CFAP46: variants seen among roughly 807,000 people sequenced by gnomAD.
CFAP46 encodes the protein cilia- and flagella-associated protein 46.
Under a neutral mutation model 325.7 loss-of-function variants are expected in CFAP46, and 245 were observed. That is an observed-to-expected ratio of 0.75 (90% CI 0.68 to 0.84). The LOEUF is 0.84. Ranked by LOEUF, CFAP46 falls within the 40% of genes least tolerant of loss-of-function variation. The probability of loss-of-function intolerance (pLI) is 0.00; values close to 1 mark genes in which losing one functional copy is unlikely to be tolerated. For synonymous variants in CFAP46, 1,523 were observed against 1,495.9 expected, an observed-to-expected ratio of 1.02 and a Z score of -0.42; for missense variants, 3,346 against 3,543.0, an observed-to-expected ratio of 0.94 and a Z score of 1.41.
chr10:132,841,285 G>C (rs1275306622), intron 44 of CFAP46, among the ~76,000 whole-genome samples: 1 of 152,214 alleles, frequency 6.6e-6, no homozygotes, highest in Non-Finnish European at 1.5e-5. Flanking sequence ...TTGAAAACGG[G>C]AATAGGCAAA....
Position 132,899,585 on chromosome 10 carries a change from G to T in CFAP46, c.3006C>A (p.Gly1002=), listed in dbSNP as rs1413484923. ...QGRSIMENLK[G]RKQLRLVAAK... is the part of the protein sequence containing the mutation. ...CTGCCACCAGTCGCAGCTGCTTCCG[G>T]CCCTTCAGGTTTTCCATGATGCTCC... Residue 1002 remains glycine (G), a synonymous_variant, in exon 23 of 58, where the codon GGC becomes GGA. Coordinates refer to ENST00000368586, the MANE Select transcript of CFAP46 (RefSeq NM_001200049.3). 1 of 1,549,766 alleles carries T rather than the reference G, an allele frequency of 6.5e-7. No individual in the cohort carries two copies. Among genetic ancestry groups the T allele is most frequent in the African/African-American group, 1.4e-5 (1 of 73,044 alleles).
intron 13 of CFAP46, 115 bp from the exon 14 acceptor site, chr10:132,920,297 C>T: frequency 7.7e-7 from 1 of 1,294,776 alleles, no homozygotes; most frequent in Non-Finnish European, 1.0e-6. Context: ...CAGGTAGCGG[C>T]TCCAGGGGCC....
rs564077757 is a variant in CFAP46, at chr10:132,929,191, A to G, written c.966+514T>C. 1.2e-4 allele frequency: 44 copies of G among 354,618 alleles called. No homozygotes were observed. In the South Asian group the frequency reaches 3.0e-3, roughly 24 times the overall value. The allele number at this position is 354,618 out of a possible 1,614,324, so 22.0% of individuals were successfully genotyped here. On this transcript the variant is annotated intron_variant, in intron 9 of 57. Transcript: ENST00000368586. ...ATAAACTTCAATTTCTAAATTAGGC[A>G]CAATAAGATATTTATAACAATAACT...
chr10:132,821,661 CTG>C (rs1366242421), intron 50 of CFAP46, among the ~76,000 whole-genome samples: 2 of 111,110 alleles, frequency 1.8e-5, no homozygotes, highest in African/African-American at 3.9e-5. Context: ...CTGATGTGTG[CTG>C]TGTGTGCTGT....
intron 44 of CFAP46, among the ~76,000 whole-genome samples, chr10:132,839,596 C>T (rs952153404): frequency 6.6e-6 from 1 of 152,150 alleles, no homozygotes; most frequent in Non-Finnish European, 1.5e-5. Context: ...CATTTCCGCT[C>T]TTGGGGAAAA....
At chr10:132,894,381 T>TGTAAATGCTG (rs1849294078) in intron 24 of CFAP46, among the ~76,000 whole-genome samples, 1 of 152,186 alleles carries the variant, frequency 6.6e-6, no homozygotes, top group East Asian at 1.9e-4. Context: ...AGTTCACCAC[T>TGTAAATGCTG]GTAAATGCTG....
At position 132,908,731 on chromosome 10, in the gene CFAP46, A is replaced by G. The variant is rs1013741049; in HGVS notation, c.2758-97T>C. On this transcript the variant is annotated intron_variant, in intron 21 of 57. Transcript: ENST00000368586. ...GGACCACGCAGCGCATGTGATCCTA[A>G]GCAGAGGCGTGGCCTGTGAAGGGCC... 4.3e-6 allele frequency: 6 copies of G among 1,397,508 alleles called. No individual in the cohort carries two copies. The African/African-American group carries it at 7.3e-5, about 17-fold the overall frequency. 86.6% of individuals were successfully genotyped at this position (1,397,508 alleles called of 1,614,324 possible). A position where few individuals can be genotyped will look rare whatever the true frequency, so the allele number is the denominator to read the frequency against.
rs1251023733 is a variant in CFAP46 at position 132,879,445 on chromosome 10, A to G, written c.3986T>C (p.Phe1329Ser). Residue 1329 changes from phenylalanine to serine, a missense_variant, in exon 29 of 58, where the codon TTC becomes TCC. Transcript: ENST00000368586. ...YEDCCLAAYA[F>S]FRHIWQVSLM... ...CCTCACCTGCCAGATGTGCCTGAAG[A>G]AGGCGTAGGCTGCAAGGCAGCAGTC... 2.6e-6 allele frequency: 4 copies of G among 1,528,610 alleles called. No individual in the cohort carries two copies. The highest frequency in any genetic ancestry group is 3.5e-6 in the Non-Finnish European group (4 of 1,134,524). The allele number at this position is 1,528,610 out of a possible 1,614,324, so 94.7% of individuals were successfully genotyped here.
intron 50 of CFAP46, among the ~76,000 whole-genome samples, chr10:132,818,536 CCA>C (rs1301562224): frequency 6.6e-6 from 1 of 152,050 alleles, no homozygotes; most frequent in African/African-American, 2.4e-5. Flanking sequence ...CTGGAAGTCC[CCA>C]CCAGAGCAGT....
At chr10:132,836,681 G>A in intron 45 of CFAP46, 136 bp downstream of exon 45, 1 of 749,894 alleles carries the variant, frequency 1.3e-6, no homozygotes, top group South Asian at 1.7e-5. Context: ...ACCTTCTTGG[G>A]ACTGTCCGGG....
chr10:132,911,541 C>A (rs1323792762), intron 19 of CFAP46, among the ~76,000 whole-genome samples: 1 of 152,218 alleles, frequency 6.6e-6, no homozygotes, highest in Non-Finnish European at 1.5e-5. Flanking sequence ...CCAGGAGGTT[C>A]CCCACAGACT....
chr10:132,881,746 A>C (rs940220835), intron 27 of CFAP46, among the ~76,000 whole-genome samples: 1 of 152,236 alleles, frequency 6.6e-6, no homozygotes, highest in Non-Finnish European at 1.5e-5. Flanking sequence ...ACTCTTCTCC[A>C]GCAGGGTGGA....
At position 132,909,231 on chromosome 10, in the gene CFAP46, T is replaced by A. The variant is rs1849504252; in HGVS notation, c.2663A>T (p.Asp888Val). Residue 888 changes from aspartate (D) to valine (V), a missense_variant, in exon 21 of 58, where the codon GAT (aspartate) becomes GTT (valine). By Grantham distance (152) the Asp-to-Val change is radical (BLOSUM62 -3). Coordinates refer to ENST00000368586, the MANE Select transcript of CFAP46 (RefSeq NM_001200049.3). ...LGTEEQGTNE[D>V]VSSVTRVLVA... ...GAGGACTCTGGTCACCGAGCTGACA[T>A]CCTCATTGGTGCCCTGGTGGGGAGG... is the stretch of plus-strand genomic sequence containing the variant. The A allele has an allele frequency of 6.5e-7, 1 of 1,550,232 alleles. No homozygotes were observed. The highest frequency in any genetic ancestry group is 8.7e-7 in the Non-Finnish European group (1 of 1,146,836).
intron 11 of CFAP46, among the ~76,000 whole-genome samples, chr10:132,923,289 C>T (rs1189843536): frequency 5.0e-5 from 7 of 139,914 alleles, no homozygotes; most frequent in Non-Finnish European, 1.1e-4. Context: ...TGTGGGGGTG[C>T]CCTGGAACCC....
intron 7 of CFAP46, among the ~76,000 whole-genome samples, chr10:132,935,753 GCCCT>G (rs1564806202): frequency 1.9e-5 from 1 of 53,470 alleles, no homozygotes; most frequent in African/African-American, 8.6e-5. Flanking sequence ...TCTCCTCACA[GCCCT>G]CAGCACCCAA....
chr10:132,935,543 C>CA (rs1849984063), intron 7 of CFAP46, among the ~76,000 whole-genome samples: 1 of 136,008 alleles, frequency 7.4e-6, no homozygotes, highest in Admixed American at 7.4e-5. Flanking sequence ...TCACTCCCCT[C>CA]GGCACCCAAA....
chr10:132,826,497 A>G (rs1848056137), intron 50 of CFAP46, among the ~76,000 whole-genome samples: 1 of 145,286 alleles, frequency 6.9e-6, no homozygotes, highest in African/African-American at 2.6e-5. Context: ...CAGGAGCCGG[A>G]GCCACGGAGC....
chr10:132,916,343 G>A (rs556201390), intron 17 of CFAP46, among the ~76,000 whole-genome samples: 62 of 152,330 alleles, frequency 4.1e-4, no homozygotes, highest in African/African-American at 1.2e-3. Context: ...TGCGAGGAAC[G>A]ACGGCTAAAA....
intron 11 of CFAP46, among the ~76,000 whole-genome samples, chr10:132,923,918 A>G (rs1738822057): frequency 6.6e-6 from 1 of 152,158 alleles, no homozygotes; most frequent in Non-Finnish European, 1.5e-5. Flanking sequence ...AGAAAACTAA[A>G]TAGAACTCTA....
Sources: allele counts gnomAD v4.1 joint callset (sites outside exome capture counted in the v4.1 genomes callset), GRCh38; gene constraint gnomAD v4.1.1; transcripts MANE v1.5; gene names NCBI Gene and HGNC (gene_info 2026-07-23, HGNC 2026-07-21).